The following EPHA6 variants were observed in gnomAD, a reference collection of about 807,000 sequenced individuals.
The protein encoded by EPHA6 is ephrin type-A receptor 6.
Under a neutral mutation model 112.0 loss-of-function variants are expected in EPHA6, and 50 were observed. The observed-to-expected ratio is 0.45, with a 90% confidence interval of 0.36 to 0.56. The LOEUF is 0.56. Ranked by LOEUF, EPHA6 falls within the 20% of genes least tolerant of loss-of-function variation. The probability of loss-of-function intolerance (pLI) is 0.00; values close to 1 mark genes in which losing one functional copy is unlikely to be tolerated. For synonymous variants in EPHA6, 529 were observed against 490.7 expected, an observed-to-expected ratio of 1.08 and a Z score of -1.03; for missense variants, 1,280 against 1,417.4, an observed-to-expected ratio of 0.90 and a Z score of 1.56.
chr3:96,913,855 T>C (rs1253374046), intron 2 of EPHA6, among the ~76,000 whole-genome samples: 1 of 152,198 alleles, frequency 6.6e-6, no homozygotes, highest in African/African-American at 2.4e-5. Flanking sequence ...GTTTCCTTTC[T>C]GAATGCATTT....
In EPHA6 at chr3:96,982,441, C is replaced by G. The variant is rs564966370; in HGVS notation, c.451-4889C>G. On this transcript the variant is annotated intron_variant, in intron 2 of 17. Coordinates refer to ENST00000389672, the MANE Select transcript of EPHA6 (RefSeq NM_001080448.3). Reference sequence around the variant, plus strand: ...GAGACAGTTTGTTATAATTTCTGTTCTTTTACATTTGCTGAGGAGTGCTTT... The same window carrying G: ...GAGACAGTTTGTTATAATTTCTGTTGTTTTACATTTGCTGAGGAGTGCTTT... 1.1e-3 allele frequency among the ~76,000 whole-genome samples: 166 copies of G among 152,198 alleles called. 2 individuals carry two copies. Among genetic ancestry groups the G allele is most frequent in the African/African-American group, 3.0e-3 (125 of 41,538 alleles).
intron 2 of EPHA6, among the ~76,000 whole-genome samples, chr3:96,966,156 TA>T (rs918417984): frequency 6.6e-6 from 1 of 152,148 alleles, no homozygotes; most frequent in South Asian, 2.1e-4. Flanking sequence ...ACTGAGTTTT[TA>T]AAAAATGTTA....
intron 6 of EPHA6, among the ~76,000 whole-genome samples, chr3:97,423,383 GA>G (rs2088838073): frequency 6.6e-6 from 1 of 152,014 alleles, no homozygotes; most frequent in Non-Finnish European, 1.5e-5. Context: ...GTCAAATCAA[GA>G]ATACAATTCC....
intron 12 of EPHA6, among the ~76,000 whole-genome samples, chr3:97,602,618 C>T (rs1377432522): frequency 6.6e-6 from 1 of 152,026 alleles, no homozygotes; most frequent in Non-Finnish European, 1.5e-5. Context: ...GCATCAGTAA[C>T]CTTACCTGTT....
intron 3 of EPHA6, among the ~76,000 whole-genome samples, chr3:97,092,568 C>T (rs2047106588): frequency 6.6e-6 from 1 of 152,018 alleles, no homozygotes; most frequent in African/African-American, 2.4e-5. Context: ...AGTGAATTAA[C>T]TCAGCAGGTC....
chr3:97,496,937 G>C (rs1475672763), intron 10 of EPHA6, among the ~76,000 whole-genome samples: 2 of 152,104 alleles, frequency 1.3e-5, no homozygotes, highest in Non-Finnish European at 2.9e-5. Flanking sequence ...TGCATGTTCT[G>C]TGTGGCATGT....
intron 10 of EPHA6, among the ~76,000 whole-genome samples, chr3:97,491,691 G>T (rs1320015492): frequency 2.0e-5 from 3 of 150,564 alleles, no homozygotes; most frequent in Non-Finnish European, 2.9e-5. Context: ...GGTATCCAGG[G>T]TTTTTAGGTC....
At chr3:97,452,403 C>T (rs1404108198) in intron 7 of EPHA6, among the ~76,000 whole-genome samples, 1 of 151,810 alleles carries the variant, frequency 6.6e-6, no homozygotes, top group East Asian at 1.9e-4. Context: ...AAGATATTCA[C>T]TCATATATAA....
chr3:97,470,212 A>C (rs558092882), intron 7 of EPHA6, among the ~76,000 whole-genome samples: 1 of 151,728 alleles, frequency 6.6e-6, no homozygotes, highest in Non-Finnish European at 1.5e-5. Context: ...ATCTGAGAGG[A>C]GAATTTTCCT....
At chr3:96,881,911 A>G (rs1240538355) in intron 2 of EPHA6, among the ~76,000 whole-genome samples, 1 of 151,986 alleles carries the variant, frequency 6.6e-6, no homozygotes, top group African/African-American at 2.4e-5. Context: ...ATCTCCTTTG[A>G]CTCCATGTCT....
At chr3:97,215,787 T>A (rs2078018841) in intron 3 of EPHA6, among the ~76,000 whole-genome samples, 1 of 152,160 alleles carries the variant, frequency 6.6e-6, no homozygotes, top group South Asian at 2.1e-4. Flanking sequence ...GAAATAAAAA[T>A]TTCAAAACAT....
chr3:97,103,454 G>A (rs1163722562), intron 3 of EPHA6, among the ~76,000 whole-genome samples: 12 of 151,886 alleles, frequency 7.9e-5, no homozygotes. Context: ...ATGGTTGCAT[G>A]TGACATTATT....
chr3:96,901,839 A>G (rs2038630341), intron 2 of EPHA6, among the ~76,000 whole-genome samples: 1 of 152,182 alleles, frequency 6.6e-6, no homozygotes, highest in East Asian at 1.9e-4. Context: ...ATTATCAACT[A>G]TTTGGATATG....
At position 97,729,770 on chromosome 3, in the gene EPHA6, G is replaced by A. The variant is rs150753095; in HGVS notation, c.2935-6155G>A. 7.7e-4 allele frequency among the ~76,000 whole-genome samples: 116 copies of A among 151,428 alleles called. 1 individual carries two copies. Among genetic ancestry groups the A allele is most frequent in the African/African-American group, 2.5e-3 (104 of 41,234 alleles). On this transcript the variant is annotated intron_variant, in intron 15 of 17. Transcript: ENST00000389672. ...TGCACACCAGGAAAATACATTACCA[G>A]TGTTTTCAGTGTTATTGTATTATGA...
At chr3:97,013,357 A>G (rs982556182) in intron 3 of EPHA6, among the ~76,000 whole-genome samples, 1 of 152,158 alleles carries the variant, frequency 6.6e-6, no homozygotes, top group African/African-American at 2.4e-5. Context: ...GATAAAAAAA[A>G]AGATTTTCTG....
At chr3:96,983,351 T>G (rs1026673191) in intron 2 of EPHA6, among the ~76,000 whole-genome samples, 1 of 152,182 alleles carries the variant, frequency 6.6e-6, no homozygotes, top group Admixed American at 6.5e-5. Context: ...GGTTGTAAAT[T>G]CTTTTCTTTT....
At chr3:97,387,480 C>T (rs1185187125) in intron 5 of EPHA6, among the ~76,000 whole-genome samples, 3 of 152,126 alleles carry the variant, frequency 2.0e-5, no homozygotes, top group Non-Finnish European at 4.4e-5. Flanking sequence ...CACAATGCTG[C>T]AATTCTCTTT....
intron 7 of EPHA6, among the ~76,000 whole-genome samples, chr3:97,451,096 A>C (rs2090512320): frequency 6.6e-6 from 1 of 151,994 alleles, no homozygotes; most frequent in African/African-American, 2.4e-5. Context: ...GAAAATTGTA[A>C]AATGGTGGTA....
At chr3:97,504,804 T>A (rs1264326612) in intron 10 of EPHA6, among the ~76,000 whole-genome samples, 1 of 152,200 alleles carries the variant, frequency 6.6e-6, no homozygotes, top group East Asian at 1.9e-4. Context: ...TTATACCCTA[T>A]AGTATTTTTA....
Sources: gnomAD v4.1 joint callset for allele counts (sites outside exome capture counted in the v4.1 genomes callset) on GRCh38, gnomAD v4.1.1 for gene constraint, MANE v1.5 for transcripts, NCBI Gene and HGNC (gene_info 2026-07-23, HGNC 2026-07-21) for gene names.